TGFBR3: variants seen among roughly 807,000 people sequenced by gnomAD.
TGFBR3 encodes transforming growth factor beta receptor type 3.
A neutral mutation model predicts 87.9 loss-of-function variants in TGFBR3; 46 were observed. The observed-to-expected ratio is 0.52, with a 90% CI of 0.41 to 0.67. The LOEUF (loss-of-function observed/expected upper bound fraction) is 0.67. Ranked by LOEUF, TGFBR3 falls within the 30% of genes least tolerant of loss-of-function variation. TGFBR3 has a pLI of 0.00. For synonymous variants in TGFBR3, 381 were observed against 391.6 expected (o/e 0.97, Z 0.32); for missense variants, 866 against 1,041.9 (o/e 0.83, Z 2.32).
intron 2 of TGFBR3, among the ~76,000 whole-genome samples, chr1:91,833,439 C>G (rs1177337998): frequency 9.2e-6 from 1 of 109,170 alleles, no homozygotes; most frequent in Non-Finnish European, 1.7e-5. Flanking sequence ...CCACCCTGGG[C>G]GACAGAGCAA....
At chr1:91,858,788 GC>G (rs1177702926) in intron 2 of TGFBR3, among the ~76,000 whole-genome samples, 2 of 151,962 alleles carry the variant, frequency 1.3e-5, no homozygotes, top group African/African-American at 2.4e-5. Context: ...AGCGGTGGTG[GC>G]TCACACCTGT....
intron 14 of TGFBR3, among the ~76,000 whole-genome samples, chr1:91,700,488 T>C (rs1671582031): frequency 3.3e-5 from 5 of 152,214 alleles, no homozygotes. Context: ...TATCAATGTC[T>C]GGCTCTAGGG....
chr1:91,765,482 G>A (rs1010981860), intron 3 of TGFBR3, among the ~76,000 whole-genome samples: 3 of 152,076 alleles, frequency 2.0e-5, no homozygotes, highest in South Asian at 2.1e-4. Context: ...AACAAATGAC[G>A]GAGATGCTTC....
chr1:91,856,462 G>A (rs1677960399), intron 2 of TGFBR3, among the ~76,000 whole-genome samples: 1 of 150,016 alleles, frequency 6.7e-6, no homozygotes, highest in Non-Finnish European at 1.5e-5. Context: ...TCTATCACAA[G>A]CAGAGAAGGA....
intron 3 of TGFBR3, among the ~76,000 whole-genome samples, chr1:91,762,834 C>T (rs1185722466): frequency 6.6e-6 from 1 of 152,222 alleles, no homozygotes; most frequent in Non-Finnish European, 1.5e-5. Flanking sequence ...AAATTCAAAG[C>T]AGATCTTCTG....
intron 16 of TGFBR3, among the ~76,000 whole-genome samples, chr1:91,690,407 C>T (rs758588702): frequency 2.0e-5 from 3 of 152,000 alleles, no homozygotes; most frequent in African/African-American, 4.8e-5. Flanking sequence ...GGGGGGGATT[C>T]GGCAAACATA....
At chr1:91,858,634 C>T (rs2489193) in intron 2 of TGFBR3, among the ~76,000 whole-genome samples, 2 of 64,876 alleles carry the variant, frequency 3.1e-5, no homozygotes, top group Non-Finnish European at 6.3e-5. Flanking sequence ...AAAAAAAAAA[C>T]AAAATTTCCC....
At chr1:91,698,066 G>T in intron 15 of TGFBR3, 23 bp downstream of exon 15, 1 of 1,612,510 alleles carries the variant, frequency 6.2e-7, no homozygotes, top group Non-Finnish European at 8.5e-7. Flanking sequence ...GTTTTATTTC[G>T]AAATAGTTGC....
In TGFBR3 at chr1:91,797,325, G is replaced by A. The variant is rs749945007; in HGVS notation, c.208C>T (p.Arg70Cys). The change falls in exon 3 of 17, where the codon CGC becomes TGC. Residue 70 changes from arginine (R) to cysteine (C), a missense_variant. Arg to Cys is a radical substitution (Grantham distance 180, BLOSUM62 -3). Transcript: ENST00000212355. Reference protein sequence around the residue: ...LPQEVHVLNLRTAGQGPGQLQ... With the variant: ...LPQEVHVLNLCTAGQGPGQLQ... ...TGGCCAGGCCCCTGGCCTGCAGTGCGGAGATTCAGGACATGCACCTCCTGT... is the reference window on the plus strand; with the variant it reads ...TGGCCAGGCCCCTGGCCTGCAGTGCAGAGATTCAGGACATGCACCTCCTGT... 1.5e-5 allele frequency: 24 copies of A among 1,614,074 alleles called. No homozygotes were observed. Among genetic ancestry groups the A allele is most frequent in the Non-Finnish European group, 1.7e-5 (20 of 1,180,042 alleles).
upstream of TGFBR3, among the ~76,000 whole-genome samples, chr1:91,887,236 CTTTTTTTTTTTTTTT>C (rs71087977): frequency 2.6e-3 from 108 of 41,426 alleles, 13 homozygotes; most frequent in Non-Finnish European, 1.2e-3. Flanking sequence ...GGACCTATGC[CTTTTTTTTTTTTTTT>C]TTTTTTTTTT....
upstream of TGFBR3, among the ~76,000 whole-genome samples, chr1:91,891,000 C>A (rs1188762222): frequency 1.3e-5 from 2 of 151,620 alleles, no homozygotes; most frequent in African/African-American, 4.8e-5. Context: ...TGAGTTCAAG[C>A]GATTTTCCTG....
intron 4 of TGFBR3, among the ~76,000 whole-genome samples, chr1:91,749,124 T>C (rs1415122830): frequency 6.6e-6 from 1 of 152,132 alleles, no homozygotes; most frequent in Non-Finnish European, 1.5e-5. Flanking sequence ...ATAAAAACCC[T>C]GTTTTAATGG....
chr1:91,762,274 A>G (rs1673995692), intron 3 of TGFBR3, among the ~76,000 whole-genome samples: 1 of 152,158 alleles, frequency 6.6e-6, no homozygotes, highest in Non-Finnish European at 1.5e-5. Context: ...AAACATCCAT[A>G]TCACACAAAC....
At chr1:91,814,544 A>G (rs938533167) in intron 2 of TGFBR3, among the ~76,000 whole-genome samples, 3 of 152,178 alleles carry the variant, frequency 2.0e-5, no homozygotes, top group African/African-American at 7.2e-5. Flanking sequence ...TATCCAAAAC[A>G]TATAAGAACA....
chr1:91,763,233 T>C (rs1467328344), intron 3 of TGFBR3, among the ~76,000 whole-genome samples: 1 of 152,214 alleles, frequency 6.6e-6, no homozygotes, highest in African/African-American at 2.4e-5. Flanking sequence ...AGAATATGAA[T>C]TAGTTAGACC....
chr1:91,846,591 A>T (rs544238729), intron 2 of TGFBR3, among the ~76,000 whole-genome samples: 1 of 151,744 alleles, frequency 6.6e-6, no homozygotes, highest in South Asian at 2.1e-4. Context: ...CCCTGAAGAC[A>T]TTTTTTTTCT....
At position 91,900,200 on chromosome 1, in the gene TGFBR3, C is replaced by T. The variant is rs1322173489; in HGVS notation, c.-174-503G>A. ...TGCAATCTCAGCTGACTGCAACCTC[C>T]ACCTCCCAGGTTTAGAGATTCTCCC... On this transcript the variant is annotated intron_variant, in intron 1 of 17. Coordinates refer to the TGFBR3 transcript ENST00000370399. Among the ~76,000 whole-genome samples, 9 of 152,148 alleles carry T rather than the reference C, an allele frequency of 5.9e-5. No homozygotes were observed. In the South Asian group the frequency reaches 1.2e-3, roughly 21 times the overall value.
chr1:91,854,914 C>G (rs1203199498), intron 2 of TGFBR3, among the ~76,000 whole-genome samples: 1 of 152,244 alleles, frequency 6.6e-6, no homozygotes, highest in East Asian at 1.9e-4. Flanking sequence ...CCTGCCTACC[C>G]CCAGAGGCTG....
chr1:91,797,324 C>T lies in TGFBR3; in HGVS notation c.209G>A (p.Arg70His), dbSNP rs373327242. Reference protein sequence around the residue: ...LPQEVHVLNLRTAGQGPGQLQ... With the variant: ...LPQEVHVLNLHTAGQGPGQLQ... ...CTGGCCAGGCCCCTGGCCTGCAGTG[C>T]GGAGATTCAGGACATGCACCTCCTG... The change falls in exon 3 of 17, where the codon CGC becomes CAC. Residue 70 changes from arginine to histidine, a missense_variant. Arg to His is a conservative substitution (Grantham distance 29, BLOSUM62 0). Transcript: ENST00000212355. The T allele has an allele frequency of 2.5e-6, 4 of 1,614,110 alleles. No individual in the cohort carries two copies. Among genetic ancestry groups the T allele is most frequent in the African/African-American group, 2.7e-5 (2 of 74,942 alleles).
Sources: allele counts gnomAD v4.1 joint callset (sites outside exome capture counted in the v4.1 genomes callset), GRCh38; gene constraint gnomAD v4.1.1; transcripts MANE v1.5; gene names NCBI Gene and HGNC (gene_info 2026-07-23, HGNC 2026-07-21).